Variants in ERI3 observed in about 807,000 individuals in gnomAD.
The protein encoded by ERI3 is ERI1 exoribonuclease 3.
Under a neutral mutation model 44.4 loss-of-function variants are expected in ERI3, and 18 were observed. The ratio of observed to expected loss-of-function variants is 0.41; its 90% CI spans 0.28 to 0.60. The LOEUF (loss-of-function observed/expected upper bound fraction) is 0.60, where lower values mean the gene tolerates loss of function less well. Among genes scored for constraint, ERI3 ranks in the 20% least tolerant of loss-of-function variants. ERI3 has a pLI of 0.36. For missense variants in ERI3, 294 were observed against 435.5 expected (o/e 0.68, Z 2.89); for synonymous variants, 183 against 164.8 (o/e 1.11, Z -0.84).
intron 7 of ERI3, among the ~76,000 whole-genome samples, chr1:44,283,102 A>G (rs967443339): frequency 6.6e-6 from 1 of 152,098 alleles, no homozygotes; most frequent in African/African-American, 2.4e-5. Context: ...TTCACATTGC[A>G]TTTGCTGAGG....
At chr1:44,306,954 T>G (rs325145) in intron 6 of ERI3, among the ~76,000 whole-genome samples, 88,233 of 152,078 alleles carry the variant, frequency 0.58, 27,234 homozygotes, top group East Asian at 0.74. Flanking sequence ...CTTTAAGGAC[T>G]CAAAGCTGCC....
chr1:44,332,100 C>A (rs900452180), intron 3 of ERI3, among the ~76,000 whole-genome samples: 3 of 152,188 alleles, frequency 2.0e-5, no homozygotes, highest in Non-Finnish European at 4.4e-5. Flanking sequence ...TAAAAAGAAG[C>A]CTTTTCATTG....
intron 5 of ERI3, among the ~76,000 whole-genome samples, chr1:44,309,757 G>T (rs769107456): frequency 2.7e-5 from 4 of 149,280 alleles, no homozygotes; most frequent in African/African-American, 4.9e-5. Flanking sequence ...TAGAGACGGG[G>T]TTTCACCGTG....
intron 2 of ERI3, among the ~76,000 whole-genome samples, chr1:44,343,285 A>AT (rs1646720811): frequency 6.6e-6 from 1 of 152,170 alleles, no homozygotes; most frequent in Admixed American, 6.5e-5. Flanking sequence ...TTGATGTGAG[A>AT]TATTTACATA....
chr1:44,252,349 T>G lies in ERI3; in HGVS notation c.832-4311A>C, dbSNP rs568568794. Among the ~76,000 whole-genome samples the G allele has an allele frequency of 4.1e-4, 63 of 152,336 alleles. No homozygotes were observed. Among genetic ancestry groups the G allele is most frequent in the African/African-American group, 1.5e-3 (62 of 41,578 alleles). On this transcript the variant is annotated intron_variant, in intron 7 of 8. Coordinates refer to ENST00000372257, the MANE Select transcript of ERI3 (RefSeq NM_024066.3). This position sits in a 1 kb window ranked among gnomAD's most constrained non-coding sequence, Gnocchi z 4.7. ...GCTGCTCCCGGCTGGCTCTCCCCTC[T>G]CGTGGCTCTGCCCGCCTTGGCTGCT...
At chr1:44,223,053 CAG>C (rs1643941128) in intron 8 of ERI3, among the ~76,000 whole-genome samples, 1 of 152,208 alleles carries the variant, frequency 6.6e-6, no homozygotes, top group South Asian at 2.1e-4. Context: ...GCAAGTCAGA[CAG>C]GGTCCTGTGT....
At chr1:44,265,167 C>A (rs1380429971) in intron 7 of ERI3, among the ~76,000 whole-genome samples, 2 of 151,982 alleles carry the variant, frequency 1.3e-5, no homozygotes, top group African/African-American at 2.4e-5. Flanking sequence ...CAAGTGGAGT[C>A]AGTGTTGAGT....
chr1:44,306,889 C>A (rs191572426), intron 6 of ERI3, among the ~76,000 whole-genome samples: 1 of 152,284 alleles, frequency 6.6e-6, no homozygotes, highest in East Asian at 1.9e-4. Context: ...GAAACTGGCC[C>A]CACCTTGAGT....
chr1:44,288,864 C>T (rs959197684), intron 6 of ERI3, among the ~76,000 whole-genome samples: 2 of 152,138 alleles, frequency 1.3e-5, no homozygotes, highest in Admixed American at 6.5e-5. Context: ...AAAAAAGTTC[C>T]CCAGGCACAA....
At chr1:44,279,769 C>A (rs1353139160) in intron 7 of ERI3, among the ~76,000 whole-genome samples, 1 of 152,166 alleles carries the variant, frequency 6.6e-6, no homozygotes, top group Non-Finnish European at 1.5e-5. Context: ...CCCTCACAAC[C>A]AATCACCATT....
rs879083353 is a variant in ERI3, at chr1:44,355,240, T to G, written c.-214A>C. 5.4e-5 allele frequency: 64 copies of G among 1,177,660 alleles called. No homozygotes were observed. In the East Asian group the frequency reaches 7.1e-4, roughly 13 times the overall value. The allele number at this position is 1,177,660 out of a possible 1,614,324, so 73.0% of individuals were successfully genotyped here. On this transcript the variant is annotated 5_prime_UTR_variant, in exon 1 of 9. Transcript: ENST00000372257. ...GAACAGCGGCAGCCAGCACCACGAG[T>G]CCACAACACACCGACTCACCTCCGC...
At chr1:44,282,440 C>G (rs1048264548) in intron 7 of ERI3, among the ~76,000 whole-genome samples, 8 of 152,132 alleles carry the variant, frequency 5.3e-5, no homozygotes, top group African/African-American at 1.9e-4. Flanking sequence ...ACAGGGGACA[C>G]AAGGCATGGA....
chr1:44,243,829 C>T (rs925265593), intron 8 of ERI3: 1 of 152,296 alleles, frequency 6.6e-6, no homozygotes, highest in East Asian at 1.9e-4. Flanking sequence ...TCTTCCACAT[C>T]GTCTCTATTG....
intron 2 of ERI3, among the ~76,000 whole-genome samples, chr1:44,342,810 C>CCAG: frequency 2.3e-5 from 1 of 42,850 alleles, no homozygotes; most frequent in Non-Finnish European, 4.3e-5. Flanking sequence ...CCACATCCAG[C>CCAG]TAATATATAT....
intron 1 of ERI3, chr1:44,353,293 G>C (rs988441891): frequency 1.0e-6 from 1 of 985,352 alleles, no homozygotes; most frequent in South Asian, 4.7e-5. Context: ...GGCCAGGACT[G>C]GGGTAGGGGT....
intron 8 of ERI3, among the ~76,000 whole-genome samples, chr1:44,239,717 G>T (rs1010522286): frequency 1.3e-5 from 2 of 152,232 alleles, no homozygotes; most frequent in Non-Finnish European, 2.9e-5. Context: ...CTGCCACAGC[G>T]TTTAATAATA....
At chr1:44,291,434 A>T (rs920829235) in intron 6 of ERI3, among the ~76,000 whole-genome samples, 1 of 152,190 alleles carries the variant, frequency 6.6e-6, no homozygotes. Context: ...GCCTGGAAGC[A>T]TCCTCAAAGG....
At chr1:44,237,874 C>T (rs978936724) in intron 8 of ERI3, among the ~76,000 whole-genome samples, 4 of 152,126 alleles carry the variant, frequency 2.6e-5, no homozygotes, top group Non-Finnish European at 5.9e-5. Context: ...TGCCTGATCC[C>T]ACCCACGTGC....
At chr1:44,301,654 T>C (rs897382703) in intron 6 of ERI3, among the ~76,000 whole-genome samples, 1 of 152,202 alleles carries the variant, frequency 6.6e-6, no homozygotes, top group Non-Finnish European at 1.5e-5. Flanking sequence ...CGATCCACTA[T>C]GCTGAACCCC....
Sources: gnomAD v4.1 joint callset for allele counts (sites outside exome capture counted in the v4.1 genomes callset) on GRCh38, gnomAD v4.1.1 for gene constraint, Gnocchi (gnomAD v3.1) non-coding constraint, MANE v1.5 for transcripts, NCBI Gene and HGNC (gene_info 2026-07-23, HGNC 2026-07-21) for gene names.